Variants in WIPI1 observed in about 807,000 individuals in gnomAD.
The protein encoded by WIPI1 is WD repeat domain, phosphoinositide interacting 1.
WIPI1 carries 45 observed loss-of-function variants against 55.3 expected under a neutral mutation model. That is an observed-to-expected ratio of 0.81 (90% CI 0.64 to 1.04). The LOEUF (loss-of-function observed/expected upper bound fraction) is 1.04, where lower values mean the gene tolerates loss of function less well. WIPI1 is among the 50% of genes least tolerant of loss of function. The pLI is 0.00. For synonymous variants in WIPI1, 195 were observed against 217.6 expected (o/e 0.90, Z 0.92); for missense variants, 445 against 559.0 (o/e 0.80, Z 2.06).
At chr17:68,430,330 T>A (rs761440664) in intron 8 of WIPI1, among the ~76,000 whole-genome samples, 170 bp from the exon 9 acceptor site, 3 of 152,114 alleles carry the variant, frequency 2.0e-5, no homozygotes, top group Admixed American at 6.6e-5. Context: ...ATTCTGGCAA[T>A]AACTAAAGAG....
chr17:68,456,222 T>C (rs879431846), intron 1 of WIPI1, among the ~76,000 whole-genome samples: 6 of 152,212 alleles, frequency 3.9e-5, no homozygotes, highest in Non-Finnish European at 8.8e-5. Context: ...ATTACACATA[T>C]GGGTTTTTCA....
intron 10 of WIPI1, 143 bp from the exon 11 acceptor site, chr17:68,427,396 G>A (rs2083269298): frequency 3.2e-6 from 2 of 615,466 alleles, no homozygotes; most frequent in Non-Finnish European, 2.8e-6. Context: ...TTGCTCTATT[G>A]CCCAGGCTGG....
intron 4 of WIPI1, among the ~76,000 whole-genome samples, chr17:68,443,489 A>G (rs1267693183): frequency 6.6e-6 from 1 of 152,218 alleles, no homozygotes; most frequent in Non-Finnish European, 1.5e-5. Flanking sequence ...AGGGCCATTT[A>G]TAGAATTGGA....
intron 11 of WIPI1, 63 bp from the exon 12 acceptor site, chr17:68,426,238 C>CGGGGG: frequency 8.1e-6 from 5 of 615,182 alleles, no homozygotes; most frequent in Admixed American, 5.8e-5. Context: ...CATGACCTGG[C>CGGGGG]GGGTGGGGAG....
At chr17:68,456,655 G>T (rs1225126528) in intron 1 of WIPI1, among the ~76,000 whole-genome samples, 1 of 152,218 alleles carries the variant, frequency 6.6e-6, no homozygotes, top group Non-Finnish European at 1.5e-5. Context: ...GTTTCCTGGA[G>T]AGAAAGCAGT....
At chr17:68,456,104 T>C (rs1024731090) in intron 1 of WIPI1, among the ~76,000 whole-genome samples, 4 of 152,340 alleles carry the variant, frequency 2.6e-5, no homozygotes, top group African/African-American at 9.6e-5. Context: ...GTGTATGTGT[T>C]ATGGGTATTG....
chr17:68,436,327 A>C, intron 5 of WIPI1, 55 bp downstream of exon 5: 1 of 1,541,436 alleles, frequency 6.5e-7, no homozygotes, highest in Non-Finnish European at 9.0e-7. Context: ...ATCTCCTTCC[A>C]TGACCACACA....
chr17:68,456,794 C>T (rs553759408), intron 1 of WIPI1, among the ~76,000 whole-genome samples: 3 of 152,286 alleles, frequency 2.0e-5, no homozygotes, highest in African/African-American at 7.2e-5. Context: ...TGCCCTGCGT[C>T]GGGGATGGGA....
chr17:68,428,725 G>T, intron 10 of WIPI1, 104 bp downstream of exon 10: 3 of 883,452 alleles, frequency 3.4e-6, no homozygotes, highest in African/African-American at 1.7e-5. Flanking sequence ...TGCCAGTGAA[G>T]AACAAATCAA....
intron 12 of WIPI1, among the ~76,000 whole-genome samples, chr17:68,424,297 C>T (rs951405251): frequency 7.7e-4 from 117 of 152,292 alleles, no homozygotes; most frequent in African/African-American, 2.7e-3. Context: ...CTGCGACCGA[C>T]CCGCAGAGCC....
rs201388364 is a variant in WIPI1, at chr17:68,429,955, G to A, written c.965+41C>T. 150 of 1,609,700 alleles carry A rather than the reference G, an allele frequency of 9.3e-5. No homozygotes were observed. In the East Asian group the frequency reaches 3.0e-3, roughly 32 times the overall value. On this transcript the variant is annotated intron_variant, in intron 9 of 12. Coordinates refer to ENST00000262139, the MANE Select transcript of WIPI1 (RefSeq NM_017983.7). ...TTGTGCTTTGGAAAAATACATTGAC[G>A]AAAGTGTGGTCTTGTTCAGAGTGGG...
intron 5 of WIPI1, 86 bp downstream of exon 5, chr17:68,436,296 G>A (rs1054989797): frequency 1.7e-5 from 22 of 1,258,210 alleles, no homozygotes; most frequent in South Asian, 2.4e-5. Flanking sequence ...TCCAGCCCCC[G>A]ACGGCAGGGC....
At chr17:68,442,931 G>A (rs1054483029) in intron 4 of WIPI1, among the ~76,000 whole-genome samples, 1 of 152,072 alleles carries the variant, frequency 6.6e-6, no homozygotes. Flanking sequence ...CACAAAGAAT[G>A]TCTGCAATAG....
chr17:68,431,108 A>G (rs960593532), intron 8 of WIPI1, among the ~76,000 whole-genome samples: 1 of 152,156 alleles, frequency 6.6e-6, no homozygotes, highest in African/African-American at 2.4e-5. Flanking sequence ...GCTGGGGTTT[A>G]CAAAGAGGTG....
At chr17:68,426,254 G>GGGGGCCCCCCCCCCCCCC in intron 11 of WIPI1, 79 bp from the exon 12 acceptor site, 1 of 816,916 alleles carries the variant, frequency 1.2e-6, no homozygotes. Context: ...GGGAGCGGGG[G>GGGGGCCCCCCCCCCCCCC]CTCAAATAAA....
intron 4 of WIPI1, among the ~76,000 whole-genome samples, chr17:68,439,670 G>A (rs2083992859): frequency 6.6e-6 from 1 of 152,224 alleles, no homozygotes; most frequent in Non-Finnish European, 1.5e-5. Context: ...TTTAAGGCAT[G>A]TTTCAGGAAT....
chr17:68,457,116 A>G (rs1032815285), intron 1 of WIPI1, among the ~76,000 whole-genome samples: 9 of 150,320 alleles, frequency 6.0e-5, no homozygotes, highest in Admixed American at 4.0e-4. Context: ...CCTTGGCCCA[A>G]CCTTGTCGCT....
chr17:68,428,899 T>C lies in WIPI1; in HGVS notation c.1003A>G (p.Ser335Gly). ...KLPRLLVASS[S>G]GHLYMYNLDP... ...AAATTGTACATATAAAGGTGTCCAC[T>C]GGATGACGCAACTAGCAGCCGTGGC... Residue 335 changes from serine (S) to glycine (G), a missense_variant, in exon 10 of 13, where the codon AGT becomes GGT. Physicochemically the swap from Ser to Gly is moderately conservative, Grantham distance 56 (BLOSUM62 0). Transcript: ENST00000262139. The C allele has an allele frequency of 1.2e-6, 2 of 1,614,156 alleles. No individual in the cohort carries two copies. The highest frequency in any genetic ancestry group is 2.2e-5 in the South Asian group (2 of 91,068).
At chr17:68,449,852 T>G (rs913339458) in intron 3 of WIPI1, among the ~76,000 whole-genome samples, 23 of 152,056 alleles carry the variant, frequency 1.5e-4, no homozygotes, top group Admixed American at 1.5e-3. Flanking sequence ...TATAAAAAAA[T>G]ACAGAAAAAT....
Sources: gnomAD v4.1 joint callset for allele counts (sites outside exome capture counted in the v4.1 genomes callset) on GRCh38, gnomAD v4.1.1 for gene constraint, MANE v1.5 for transcripts, NCBI Gene and HGNC (gene_info 2026-07-23, HGNC 2026-07-21) for gene names.